Variants in MTAP observed in about 807,000 individuals in gnomAD.
MTAP encodes methylthioadenosine phosphorylase.
Under a neutral mutation model 33.6 loss-of-function variants are expected in MTAP, and 33 were observed. The observed-to-expected ratio is 0.98, with a 90% CI of 0.74 to 1.31. The LOEUF (loss-of-function observed/expected upper bound fraction) is 1.31. Among genes scored for constraint, MTAP ranks in the 40% most tolerant of loss-of-function variants. The probability of loss-of-function intolerance (pLI) is 0.00; values close to 1 mark genes in which losing one functional copy is unlikely to be tolerated. For synonymous variants in MTAP, 148 were observed against 125.7 expected (o/e 1.18, Z -1.19); for missense variants, 367 against 360.0 (o/e 1.02, Z -0.16).
At chr9:21,871,998 G>A (rs1202917851), downstream of MTAP, among the ~76,000 whole-genome samples, 1 of 152,132 alleles carries the variant, frequency 6.6e-6, no homozygotes, top group African/African-American at 2.4e-5. Flanking sequence ...AAATTTTTGT[G>A]TGTTTTAACC....
chr9:21,916,075 G>GACGGA (rs1818683325), intron 1 of MTAP, among the ~76,000 whole-genome samples: 1 of 140,582 alleles, frequency 7.1e-6, no homozygotes, highest in Non-Finnish European at 1.5e-5. Context: ...AGGGAGGGAG[G>GACGGA]AAGGAAAGGA....
chr9:21,817,647 C>A (rs1157393215), intron 3 of MTAP, among the ~76,000 whole-genome samples: 2 of 152,016 alleles, frequency 1.3e-5, no homozygotes, highest in African/African-American at 4.8e-5. Context: ...TAAGCTGTAC[C>A]TTGCAAGCAT....
chr9:21,919,669 A>G (rs1258585440), intron 1 of MTAP, among the ~76,000 whole-genome samples: 3 of 152,168 alleles, frequency 2.0e-5, no homozygotes, highest in African/African-American at 7.2e-5. Flanking sequence ...CTGGGTAAGG[A>G]GTGGAGTGAT....
chr9:21,856,416 C>T (rs966411006), intron 6 of MTAP, among the ~76,000 whole-genome samples: 5 of 152,148 alleles, frequency 3.3e-5, no homozygotes, highest in African/African-American at 1.2e-4. Context: ...AAGAGATTCG[C>T]AAATTATTAC....
chr9:21,907,502 A>G (rs1314834574), intron 1 of MTAP, among the ~76,000 whole-genome samples: 1 of 152,250 alleles, frequency 6.6e-6, no homozygotes, highest in Non-Finnish European at 1.5e-5. Flanking sequence ...GGTTGCAGTG[A>G]GCTAAGATAG....
chr9:21,806,254 T>C lies in MTAP; in HGVS notation c.33+3473T>C, dbSNP rs149055140. ...GAGCCATGGAGGTGGTGAGGAATAA[T>C]CAGATTGGGGATAGAATTTGCAGGT... On this transcript the variant is annotated intron_variant, in intron 1 of 7. Transcript: ENST00000644715. Among the ~76,000 whole-genome samples the C allele has an allele frequency of 5.9e-4, 90 of 151,980 alleles. 1 individual carries two copies. Among genetic ancestry groups the C allele is most frequent in the Admixed American group, 5.2e-3 (79 of 15,264 alleles).
intron 1 of MTAP, among the ~76,000 whole-genome samples, chr9:21,888,787 A>G (rs1460380857): frequency 1.3e-5 from 2 of 152,164 alleles, no homozygotes; most frequent in Non-Finnish European, 2.9e-5. Context: ...AGAAGTTCAA[A>G]GAACACCCAG....
intron 6 of MTAP, among the ~76,000 whole-genome samples, chr9:21,856,872 G>C (rs1380387756): frequency 6.6e-6 from 1 of 152,234 alleles, no homozygotes; most frequent in Non-Finnish European, 1.5e-5. Flanking sequence ...CATTGGGCGA[G>C]TTATTTCACT....
chr9:21,883,720 C>T (rs1818055360), intron 1 of MTAP, among the ~76,000 whole-genome samples: 1 of 151,208 alleles, frequency 6.6e-6, no homozygotes, highest in African/African-American at 2.4e-5. Flanking sequence ...AGCCAGACCA[C>T]AGGTGGTCTG....
intron 5 of MTAP, among the ~76,000 whole-genome samples, chr9:21,852,508 T>TGAA (rs1825539717): frequency 1.4e-5 from 1 of 72,172 alleles, no homozygotes; most frequent in African/African-American, 9.9e-5. Context: ...AGACTCCATC[T>TGAA]CAAAAAAAAA....
chr9:21,906,754 A>T (rs1818484695), intron 1 of MTAP, among the ~76,000 whole-genome samples: 1 of 152,248 alleles, frequency 6.6e-6, no homozygotes, highest in South Asian at 2.1e-4. Context: ...ATTATCTATA[A>T]AAGAACATTT....
At chr9:21,825,282 G>A (rs1187939342) in intron 4 of MTAP, among the ~76,000 whole-genome samples, 1 of 152,174 alleles carries the variant, frequency 6.6e-6, no homozygotes, top group African/African-American at 2.4e-5. Flanking sequence ...ATCTGTTGAT[G>A]GACGTTTATG....
chr9:21,920,106 G>A (rs879415627), intron 1 of MTAP, among the ~76,000 whole-genome samples: 1 of 152,158 alleles, frequency 6.6e-6, no homozygotes, highest in Non-Finnish European at 1.5e-5. Flanking sequence ...TTAGACTAGA[G>A]TAGATTTATA....
At position 21,802,637 on chromosome 9, in the gene MTAP, T is replaced by G; in HGVS notation, c.-112T>G. ...GAGGAGTCAAGGCCCGCCCCTGGTCTCCGCACTGCTCACTCCCGCGCAGTG... is the reference window on the plus strand; with the variant it reads ...GAGGAGTCAAGGCCCGCCCCTGGTCGCCGCACTGCTCACTCCCGCGCAGTG... On this transcript the variant is annotated 5_prime_UTR_variant, in exon 1 of 8. Coordinates refer to ENST00000644715, the MANE Select transcript of MTAP (RefSeq NM_002451.4). The G allele has an allele frequency of 8.1e-7, 1 of 1,229,358 alleles. No homozygotes were observed. Among genetic ancestry groups the G allele is most frequent in the South Asian group, 1.3e-5 (1 of 77,266 alleles). The allele number at this position is 1,229,358 out of a possible 1,614,324, so 76.2% of individuals were successfully genotyped here.
chr9:21,900,436 TAAAC>T lies in MTAP; in HGVS notation c.148-30568_148-30565del, dbSNP rs552788947. On this transcript the variant is annotated intron_variant, in intron 1 of 1. Coordinates refer to the MTAP transcript ENST00000577563. ...AAAAATGCTCAACATCACTAATAAT[TAAAC>T]AAATACAAATCAAAGCCACAATGAA... 9.1e-3 allele frequency among the ~76,000 whole-genome samples: 1,388 copies of T among 152,108 alleles called. 13 individuals are homozygous for T. The highest frequency in any genetic ancestry group is 0.013 in the Non-Finnish European group (914 of 67,964).
At chr9:21,853,222 T>C (rs4478653) in intron 5 of MTAP, among the ~76,000 whole-genome samples, 80,018 of 151,784 alleles carry the variant, frequency 0.53, 22,802 homozygotes, top group East Asian at 0.74. Context: ...GCCAAGCATA[T>C]GGTTCAGTTA....
chr9:21,810,456 A>G (rs1824317975), intron 1 of MTAP, among the ~76,000 whole-genome samples: 2 of 152,144 alleles, frequency 1.3e-5, no homozygotes, highest in Admixed American at 1.3e-4. Flanking sequence ...CTTCATAACA[A>G]CCCACTCTCA....
At chr9:21,803,121 C>A (rs1343215788) in intron 1 of MTAP, 10 of 469,986 alleles carry the variant, frequency 2.1e-5, no homozygotes, top group Non-Finnish European at 3.5e-5. Context: ...AGAGGCTGCA[C>A]CCATGCCACC....
At chr9:21,811,413 G>C (rs1457587337) in intron 1 of MTAP, among the ~76,000 whole-genome samples, 2 of 152,188 alleles carry the variant, frequency 1.3e-5, no homozygotes, top group East Asian at 3.8e-4. Context: ...TCTCAGAGAA[G>C]TCAGACCCTT....
Sources: gnomAD v4.1 joint callset for allele counts (sites outside exome capture counted in the v4.1 genomes callset) on GRCh38, gnomAD v4.1.1 for gene constraint, MANE v1.5 for transcripts, NCBI Gene and HGNC (gene_info 2026-07-23, HGNC 2026-07-21) for gene names.